Variants in ADAMTSL1 observed in about 807,000 individuals in gnomAD.
ADAMTSL1 encodes ADAMTS like 1, also known as ADAMTS-like protein 1.
ADAMTSL1 carries 126 observed loss-of-function variants against 201.8 expected under a neutral mutation model. That is an observed-to-expected ratio of 0.62 (90% CI 0.54 to 0.72). The LOEUF (loss-of-function observed/expected upper bound fraction) is 0.72. Ranked by LOEUF, ADAMTSL1 falls within the 30% of genes least tolerant of loss-of-function variation. The pLI, the probability that ADAMTSL1 is intolerant of heterozygous loss-of-function variation, is 0.00. For missense variants in ADAMTSL1, 2,679 were observed against 2,277.8 expected, an observed-to-expected ratio of 1.18 and a Z score of -3.59; for synonymous variants, 1,121 against 903.4, an observed-to-expected ratio of 1.24 and a Z score of -4.32.
intron 21 of ADAMTSL1, among the ~76,000 whole-genome samples, chr9:18,818,729 G>A (rs1824016581): frequency 6.6e-6 from 1 of 152,082 alleles, no homozygotes; most frequent in African/African-American, 2.4e-5. Context: ...GGTCAAGGCT[G>A]CAGTGAGCCA....
At chr9:18,425,859 G>GAA (rs71304881) in intron 2 of ADAMTSL1, among the ~76,000 whole-genome samples, 23,949 of 94,482 alleles carry the variant, frequency 0.25, 3,301 homozygotes, top group East Asian at 0.41. Context: ...CCTGTCTCAA[G>GAA]AAAAAAAAAA....
chr9:18,799,759 T>C (rs909838129), intron 20 of ADAMTSL1, among the ~76,000 whole-genome samples: 1 of 152,162 alleles, frequency 6.6e-6, no homozygotes, highest in Non-Finnish European at 1.5e-5. Context: ...TTTTGCTCTT[T>C]ATGAGTTGAA....
At chr9:17,922,628 C>T (rs970185747) in intron 1 of ADAMTSL1, among the ~76,000 whole-genome samples, 1 of 152,122 alleles carries the variant, frequency 6.6e-6, no homozygotes, top group Non-Finnish European at 1.5e-5. Flanking sequence ...GTCTTATTTA[C>T]AGATGAGAGA....
At chr9:18,861,483 T>A (rs756068342) in intron 23 of ADAMTSL1, among the ~76,000 whole-genome samples, 30 of 152,210 alleles carry the variant, frequency 2.0e-4, no homozygotes, top group Admixed American at 4.6e-4. Flanking sequence ...CACTAAATGC[T>A]CCACAGGAGT....
intron 2 of ADAMTSL1, among the ~76,000 whole-genome samples, chr9:18,388,716 C>T (rs1452969635): frequency 6.7e-6 from 1 of 148,448 alleles, no homozygotes; most frequent in Non-Finnish European, 1.5e-5. Context: ...TATTCTATTT[C>T]GATTTTTTGT....
intron 23 of ADAMTSL1, among the ~76,000 whole-genome samples, chr9:18,876,004 T>C (rs1456061399): frequency 1.3e-5 from 2 of 152,212 alleles, no homozygotes; most frequent in African/African-American, 4.8e-5. Flanking sequence ...TCTCTCTTTG[T>C]CTTTTTTAAC....
At chr9:18,652,837 T>C (rs1038482270) in intron 7 of ADAMTSL1, among the ~76,000 whole-genome samples, 1 of 152,222 alleles carries the variant, frequency 6.6e-6, no homozygotes, top group Non-Finnish European at 1.5e-5. Context: ...GTTTGGCCAA[T>C]GTGTAATCCC....
At chr9:18,414,596 AACTT>A (rs1279914392) in intron 2 of ADAMTSL1, among the ~76,000 whole-genome samples, 1 of 152,202 alleles carries the variant, frequency 6.6e-6, no homozygotes, top group East Asian at 1.9e-4. Context: ...CAATTGCTCT[AACTT>A]ACTTCCTTGA....
chr9:18,574,320 T>A, intron 4 of ADAMTSL1, 54 bp downstream of exon 4: 1 of 1,460,090 alleles, frequency 6.8e-7, no homozygotes, highest in Non-Finnish European at 9.6e-7. Flanking sequence ...AATGTCTTTG[T>A]GTAAATGGTT....
At chr9:18,548,869 T>A (rs1289565124) in intron 3 of ADAMTSL1, among the ~76,000 whole-genome samples, 1 of 151,956 alleles carries the variant, frequency 6.6e-6, no homozygotes, top group Non-Finnish European at 1.5e-5. Context: ...GAAATAAAAA[T>A]TTATCCATAG....
intron 1 of ADAMTSL1, among the ~76,000 whole-genome samples, chr9:18,482,994 C>G (rs1821805343): frequency 6.6e-6 from 1 of 152,124 alleles, no homozygotes; most frequent in Admixed American, 6.5e-5. Context: ...TTTGAAATTA[C>G]TGTTATGAGG....
chr9:17,935,500 C>G (rs754662754), intron 1 of ADAMTSL1, among the ~76,000 whole-genome samples: 6 of 152,110 alleles, frequency 3.9e-5, no homozygotes, highest in Non-Finnish European at 8.8e-5. Flanking sequence ...TTTAACAGGC[C>G]TCTTACCATG....
intron 1 of ADAMTSL1, among the ~76,000 whole-genome samples, chr9:17,986,142 C>G (rs945491137): frequency 3.3e-5 from 5 of 152,078 alleles, no homozygotes; most frequent in Non-Finnish European, 4.4e-5. Context: ...TGCTTGGAGG[C>G]TCTGAGTTCA....
intron 2 of ADAMTSL1, among the ~76,000 whole-genome samples, chr9:18,262,810 T>C (rs907793931): frequency 6.6e-6 from 1 of 152,212 alleles, no homozygotes; most frequent in Admixed American, 6.5e-5. Flanking sequence ...CAAGAGACTA[T>C]ATGGAATGTT....
At chr9:17,916,527 C>T (rs926847332) in intron 1 of ADAMTSL1, among the ~76,000 whole-genome samples, 1 of 152,012 alleles carries the variant, frequency 6.6e-6, no homozygotes, top group Admixed American at 6.6e-5. Context: ...CGTTTTTTGG[C>T]CTATGGATGT....
In ADAMTSL1 at chr9:18,315,421, AG is replaced by A. The variant is rs371719899; in HGVS notation, c.207+151441del. On this transcript the variant is annotated intron_variant, in intron 2 of 29. Coordinates refer to the ADAMTSL1 transcript ENST00000680146. ...GTCAGGGAGGCTCGGGCCGTGTGGG[AG>A]CCCAAGGGGGAGTGAGGAGGGGGGT... Among the ~76,000 whole-genome samples the A allele has an allele frequency of 2.3e-3, 341 of 151,398 alleles. 1 individual carries two copies. The highest frequency in any genetic ancestry group is 7.9e-3 in the African/African-American group (325 of 41,232).
chr9:18,286,952 CAACTT>C (rs1359314994), intron 2 of ADAMTSL1, among the ~76,000 whole-genome samples: 2 of 152,154 alleles, frequency 1.3e-5, no homozygotes, highest in African/African-American at 4.8e-5. Context: ...CTATTAAAAA[CAACTT>C]AAGAGATAAA....
rs185134927 is a variant in ADAMTSL1 at position 18,560,006 on chromosome 9, C to A, written c.238-14024C>A. 6.6e-3 allele frequency among the ~76,000 whole-genome samples: 1,009 copies of A among 152,264 alleles called. 2 individuals carry two copies. Among genetic ancestry groups the A allele is most frequent in the Middle Eastern group, 0.017 (5 of 294 alleles). ...CTATTTGTATACCCTTTATTTCTTT[C>A]TCTTGCCTGATTGCCCGGGCCAGAA... is the stretch of plus-strand genomic sequence containing the variant. On this transcript the variant is annotated intron_variant, in intron 3 of 28. Transcript: ENST00000380548.
rs781703171 is a variant in ADAMTSL1 at position 18,892,528 on chromosome 9, C to T, written c.4783C>T (p.Arg1595Trp). The T allele has an allele frequency of 1.5e-5, 24 of 1,590,788 alleles. No individual in the cohort carries two copies. Among genetic ancestry groups the T allele is most frequent in the East Asian group, 9.1e-5 (4 of 43,776 alleles). The change falls in exon 26 of 29, where the codon CGG becomes TGG. Residue 1595 changes from arginine to tryptophan, a missense_variant. Transcript: ENST00000380548. ...SNDMCTQVAK[R>W]PVDTQACNQQ... is the part of the protein sequence containing the mutation. ...TGACATGTGCACCCAGGTCGCCAAG[C>T]GGCCTGTGGACACCCAGGCCTGTAA...
Sources: gnomAD v4.1 joint callset for allele counts (sites outside exome capture counted in the v4.1 genomes callset) on GRCh38, gnomAD v4.1.1 for gene constraint, MANE v1.5 for transcripts, NCBI Gene and HGNC (gene_info 2026-07-23, HGNC 2026-07-21) for gene names.